DGCR2: variants seen among roughly 807,000 people sequenced by gnomAD.
The protein encoded by DGCR2 is DiGeorge syndrome critical region gene 2.
Under a neutral mutation model 51.6 loss-of-function variants are expected in DGCR2, and 24 were observed. That is an observed-to-expected ratio of 0.47 (90% confidence interval 0.34 to 0.65). The LOEUF (loss-of-function observed/expected upper bound fraction) is 0.65, where lower values mean the gene tolerates loss of function less well. DGCR2 is among the 30% of genes least tolerant of loss of function. The probability of loss-of-function intolerance (pLI) is 0.01; values close to 1 mark genes in which losing one functional copy is unlikely to be tolerated. For synonymous variants in DGCR2, 340 were observed against 315.4 expected (o/e 1.08, Z -0.82); for missense variants, 765 against 772.1 (o/e 0.99, Z 0.11).
chr22:19,092,959 T>TA (rs578223535), intron 1 of DGCR2, among the ~76,000 whole-genome samples: 1 of 145,536 alleles, frequency 6.9e-6, no homozygotes, highest in Admixed American at 6.9e-5. Context: ...AAAATGAAGT[T>TA]AAAAAAAGGA....
chr22:19,109,551 T>A (rs996370244), intron 1 of DGCR2, among the ~76,000 whole-genome samples: 2 of 152,176 alleles, frequency 1.3e-5, no homozygotes, highest in Non-Finnish European at 2.9e-5. Flanking sequence ...ATTCTACTTA[T>A]ATGGAGTATC....
chr22:19,044,362 T>C (rs540369835), intron 7 of DGCR2, among the ~76,000 whole-genome samples: 76 of 152,344 alleles, frequency 5.0e-4, no homozygotes, highest in African/African-American at 1.5e-3. Context: ...GGATCCAGCC[T>C]GTGCAAGAAG....
At chr22:19,115,122 C>A (rs1416622635) in intron 1 of DGCR2, among the ~76,000 whole-genome samples, 1 of 152,192 alleles carries the variant, frequency 6.6e-6, no homozygotes. Context: ...GCCCATGCAG[C>A]CCATGCACCC....
At chr22:19,063,057 AG>A in intron 5 of DGCR2, 144 bp downstream of exon 5, 1 of 708,026 alleles carries the variant, frequency 1.4e-6, no homozygotes, top group Non-Finnish European at 2.4e-6. Context: ...CCATGACCGC[AG>A]CCCTCCCTGC....
chr22:19,102,228 A>G (rs1051828844), intron 1 of DGCR2, among the ~76,000 whole-genome samples: 1 of 152,166 alleles, frequency 6.6e-6, no homozygotes, highest in African/African-American at 2.4e-5. Flanking sequence ...AGTCAATTTA[A>G]TAAGGATGGA....
intron 1 of DGCR2, among the ~76,000 whole-genome samples, chr22:19,120,105 A>T (rs1465432763): frequency 5.9e-5 from 9 of 152,216 alleles, no homozygotes; most frequent in Admixed American, 5.2e-4. Context: ...GGAACACATC[A>T]GGCCCAGAGG....
chr22:19,058,005 C>T (rs1162344163), intron 5 of DGCR2, among the ~76,000 whole-genome samples: 1 of 152,188 alleles, frequency 6.6e-6, no homozygotes. Context: ...GCAACCTTTC[C>T]AAGAAGCAGA....
At position 19,092,870 on chromosome 22, in the gene DGCR2, T is replaced by G. The variant is rs140519911; in HGVS notation, c.80-3380A>C. Among the ~76,000 whole-genome samples the G allele has an allele frequency of 6.6e-3, 993 of 150,346 alleles. 4 individuals are homozygous for G. The highest frequency in any genetic ancestry group is 0.011 in the Non-Finnish European group (745 of 67,852). ...AACAGGCCTTTCAACAGAATGGTAC[T>G]GCGAAACACGGAAGAAAGAAAAATG... On this transcript the variant is annotated intron_variant, in intron 1 of 9. Coordinates refer to ENST00000263196, the MANE Select transcript of DGCR2 (RefSeq NM_005137.3).
chr22:19,111,605 A>T (rs2083314619), intron 1 of DGCR2, among the ~76,000 whole-genome samples: 2 of 152,156 alleles, frequency 1.3e-5, no homozygotes, highest in Admixed American at 1.3e-4. Context: ...GAGTCTTGTC[A>T]GGTAAAGGGT....
At chr22:19,060,824 G>A (rs775301033) in intron 5 of DGCR2, 24 of 507,626 alleles carry the variant, frequency 4.7e-5, no homozygotes, top group African/African-American at 2.3e-4. Context: ...CTGGGGGAGC[G>A]CCTGGAGAGC....
chr22:19,067,603 G>A (rs375188483), intron 3 of DGCR2, among the ~76,000 whole-genome samples: 1 of 152,014 alleles, frequency 6.6e-6, no homozygotes, highest in South Asian at 2.1e-4. Context: ...TAAGACAGGA[G>A]AATCACTTAA....
intron 4 of DGCR2, among the ~76,000 whole-genome samples, chr22:19,064,086 C>G (rs183163050): frequency 1.1e-4 from 17 of 152,336 alleles, no homozygotes; most frequent in Admixed American, 9.8e-4. Context: ...GCCATAAGCT[C>G]CTGCCTAGTC....
chr22:19,082,529 C>T (rs535842375), intron 2 of DGCR2, among the ~76,000 whole-genome samples: 16 of 151,402 alleles, frequency 1.1e-4, no homozygotes, highest in South Asian at 2.1e-4. Context: ...GCAGGCAGAT[C>T]GCCTGAGATC....
At chr22:19,066,264 G>C (rs903159259) in intron 3 of DGCR2, among the ~76,000 whole-genome samples, 12 of 152,142 alleles carry the variant, frequency 7.9e-5, no homozygotes, top group Non-Finnish European at 1.5e-5. Context: ...AGCCAGGTGT[G>C]GTGGGGCACA....
At chr22:19,107,507 A>C (rs771562740) in intron 1 of DGCR2, among the ~76,000 whole-genome samples, 1 of 152,192 alleles carries the variant, frequency 6.6e-6, no homozygotes, top group South Asian at 2.1e-4. Context: ...TGTCCAACCA[A>C]AACACTGGCT....
chr22:19,121,773 G>A (rs569462448), intron 1 of DGCR2: 5 of 176,530 alleles, frequency 2.8e-5, no homozygotes, highest in African/African-American at 4.7e-5. Flanking sequence ...CCACTGCTGG[G>A]AGGACGTCTG....
rs538543677 is a variant in DGCR2 at position 19,057,640 on chromosome 22, C to A, written c.626-478G>T. On this transcript the variant is annotated intron_variant, in intron 5 of 9. Transcript: ENST00000263196. This position sits in a 1 kb window ranked among gnomAD's most constrained non-coding sequence, Gnocchi z 5.1. ...CACCCAACACCCAGGAGAAAGGCGC[C>A]GTCAGGCAGCATTGGCACTGGCCGG... is the stretch of plus-strand genomic sequence containing the variant. Among the ~76,000 whole-genome samples, 1 of 152,296 alleles carries A rather than the reference C, an allele frequency of 6.6e-6. No individual in the cohort carries two copies. Among genetic ancestry groups the A allele is most frequent in the Admixed American group, 6.5e-5 (1 of 15,302 alleles).
At chr22:19,122,042 G>C (rs560654239) in intron 1 of DGCR2, 86 bp downstream of exon 1, 1 of 1,039,370 alleles carries the variant, frequency 9.6e-7, no homozygotes, top group Non-Finnish European at 1.3e-6. Flanking sequence ...CCCTGCAGGA[G>C]GGCGCCGCGG....
chr22:19,074,341 G>A (rs953851834), intron 2 of DGCR2, among the ~76,000 whole-genome samples: 32 of 150,414 alleles, frequency 2.1e-4, no homozygotes, highest in Admixed American at 6.7e-5. Flanking sequence ...CAGAAGAATC[G>A]ATTGAGCCTA....
Sources: gnomAD v4.1 joint callset for allele counts (sites outside exome capture counted in the v4.1 genomes callset) on GRCh38, gnomAD v4.1.1 for gene constraint, Gnocchi (gnomAD v3.1) non-coding constraint, MANE v1.5 for transcripts, NCBI Gene and HGNC (gene_info 2026-07-23, HGNC 2026-07-21) for gene names.